DISC1: variants seen among roughly 807,000 people sequenced by gnomAD.
The protein encoded by DISC1 is disrupted in schizophrenia 1 protein.
In DISC1, 57 loss-of-function variants were observed where a neutral mutation model predicts 84.5. The ratio of observed to expected loss-of-function variants is 0.67; its 90% CI spans 0.55 to 0.84. The LOEUF is 0.84. Among genes scored for constraint, DISC1 ranks in the 40% least tolerant of loss-of-function variants. The pLI, the probability that DISC1 is intolerant of heterozygous loss-of-function variation, is 0.00. For missense variants in DISC1, 1,000 were observed against 1,057.8 expected, an observed-to-expected ratio of 0.95 and a Z score of 0.76; for synonymous variants, 411 against 415.2, an observed-to-expected ratio of 0.99 and a Z score of 0.12.
intron 4 of DISC1, among the ~76,000 whole-genome samples, chr1:231,750,945 G>T (rs767932822): frequency 6.6e-6 from 1 of 152,170 alleles, no homozygotes; most frequent in Non-Finnish European, 1.5e-5. Flanking sequence ...AAGTGTACAT[G>T]GCATTATACA....
At chr1:231,998,472 A>G (rs1666247607) in intron 10 of DISC1, among the ~76,000 whole-genome samples, 1 of 152,218 alleles carries the variant, frequency 6.6e-6, no homozygotes, top group Admixed American at 6.5e-5. Flanking sequence ...AATAACATTT[A>G]TGTAAAACAA....
intron 1 of DISC1, among the ~76,000 whole-genome samples, chr1:231,631,405 G>A (rs1440607685): frequency 6.6e-6 from 1 of 152,066 alleles, no homozygotes; most frequent in East Asian, 1.9e-4. Flanking sequence ...AAAGTTAACT[G>A]TAAACCCGCC....
At chr1:231,843,753 A>G (rs1222448073) in intron 9 of DISC1, among the ~76,000 whole-genome samples, 1 of 152,182 alleles carries the variant, frequency 6.6e-6, no homozygotes, top group Non-Finnish European at 1.5e-5. Context: ...TATTCATTAG[A>G]ATCAAGGCCA....
intron 4 of DISC1, 130 bp from the exon 5 acceptor site, chr1:231,767,010 A>G: frequency 1.6e-6 from 2 of 1,216,740 alleles, no homozygotes; most frequent in Non-Finnish European, 2.3e-6. Flanking sequence ...TCCTAAAAAC[A>G]GGTAAGTACC....
chr1:232,008,981 A>G lies in DISC1; in HGVS notation c.2239A>G (p.Lys747Glu). Reference protein sequence around the residue: ...HSEDKRKTPLKVLEEWKTHLI... With the variant: ...HSEDKRKTPLEVLEEWKTHLI... ...CGAGGATAAAAGGAAGACCCCTTTG[A>G]AGGTATTGGAAGAATGGAAGACTCA... Residue 747 changes from lysine to glutamate, a missense_variant, in exon 11 of 13, where the codon AAG becomes GAG. Lys to Glu is a moderately conservative substitution (Grantham distance 56). Transcript: ENST00000439617. 1 of 1,613,810 alleles carries G rather than the reference A, an allele frequency of 6.2e-7. No homozygotes were observed. Among genetic ancestry groups the G allele is most frequent in the South Asian group, 1.1e-5 (1 of 91,070 alleles).
At chr1:231,876,125 T>C (rs1314036818) in intron 9 of DISC1, among the ~76,000 whole-genome samples, 1 of 152,150 alleles carries the variant, frequency 6.6e-6, no homozygotes, top group Non-Finnish European at 1.5e-5. Flanking sequence ...TAATCTTCAG[T>C]GTTGGAGGTA....
intron 3 of DISC1, chr1:231,721,068 G>A: frequency 5.4e-6 from 7 of 1,290,938 alleles, no homozygotes; most frequent in Non-Finnish European, 6.1e-6. Context: ...TTTTTCCAGA[G>A]CCAGGTCTGT....
At chr1:231,645,737 C>A (rs941405296) in intron 1 of DISC1, among the ~76,000 whole-genome samples, 1 of 152,018 alleles carries the variant, frequency 6.6e-6, no homozygotes, top group Non-Finnish European at 1.5e-5. Context: ...TGCTCAATTC[C>A]CACCTATGAG....
chr1:231,850,573 T>C (rs532520057), intron 9 of DISC1, among the ~76,000 whole-genome samples: 10 of 152,332 alleles, frequency 6.6e-5, no homozygotes, highest in African/African-American at 2.2e-4. Flanking sequence ...ACTGTAGAGA[T>C]ATCGATCCTG....
chr1:231,633,650 T>G (rs559743252), intron 1 of DISC1, among the ~76,000 whole-genome samples: 22 of 152,224 alleles, frequency 1.4e-4, no homozygotes, highest in Admixed American at 4.6e-4. Context: ...TGTACATGTC[T>G]AGGATTGATA....
chr1:231,855,466 A>G, intron 9 of DISC1: 1 of 973,710 alleles, frequency 1.0e-6, no homozygotes. Flanking sequence ...AGACAAACAC[A>G]CAAATAACAA....
intron 1 of DISC1, among the ~76,000 whole-genome samples, chr1:231,636,395 A>C (rs1356067155): frequency 6.6e-6 from 1 of 152,180 alleles, no homozygotes; most frequent in South Asian, 2.1e-4. Context: ...TCTCTCACCC[A>C]GCTGGCTAAT....
At chr1:231,783,471 C>G (rs2077585837) in intron 6 of DISC1, among the ~76,000 whole-genome samples, 1 of 152,114 alleles carries the variant, frequency 6.6e-6, no homozygotes, top group Non-Finnish European at 1.5e-5. Flanking sequence ...AGACAAATGT[C>G]TGTAAGTCAA....
chr1:231,798,885 T>C (rs1047296453), intron 7 of DISC1, among the ~76,000 whole-genome samples: 1 of 152,138 alleles, frequency 6.6e-6, no homozygotes, highest in African/African-American at 2.4e-5. Context: ...GAGGTCTGCT[T>C]TGACTCCAAA....
intron 3 of DISC1, among the ~76,000 whole-genome samples, chr1:231,714,558 G>C (rs1221146511): frequency 6.6e-6 from 1 of 151,822 alleles, no homozygotes; most frequent in Non-Finnish European, 1.5e-5. Flanking sequence ...CAGAGACAGA[G>C]AGAAAGAGAC....
intron 9 of DISC1, among the ~76,000 whole-genome samples, chr1:231,886,768 T>TCCG (rs2086731237): frequency 3.5e-5 from 1 of 28,614 alleles, no homozygotes; most frequent in African/African-American, 1.2e-4. Context: ...CCTTCCTTCC[T>TCCG]TTCTTTCTTT....
At chr1:231,838,282 G>T (rs935979327) in intron 9 of DISC1, among the ~76,000 whole-genome samples, 1 of 152,122 alleles carries the variant, frequency 6.6e-6, no homozygotes, top group South Asian at 2.1e-4. Flanking sequence ...ACTGTGTTCC[G>T]GTTGCTTAAG....
intron 3 of DISC1, among the ~76,000 whole-genome samples, chr1:231,710,463 A>C (rs1003646167): frequency 2.6e-5 from 4 of 152,262 alleles, no homozygotes; most frequent in Non-Finnish European, 4.4e-5. Context: ...TTTTAGGTCC[A>C]AACTATGCAT....
intron 3 of DISC1, among the ~76,000 whole-genome samples, chr1:231,739,258 C>T (rs1187924002): frequency 1.3e-5 from 2 of 152,200 alleles, no homozygotes; most frequent in Non-Finnish European, 2.9e-5. Context: ...TCTACCCTTC[C>T]CCCTTTCCAT....
Sources: allele counts gnomAD v4.1 joint callset (sites outside exome capture counted in the v4.1 genomes callset), GRCh38; gene constraint gnomAD v4.1.1; transcripts MANE v1.5; gene names NCBI Gene and HGNC (gene_info 2026-07-23, HGNC 2026-07-21).